Variants in OBI1 observed in about 807,000 individuals in gnomAD.
OBI1 encodes ring finger protein 219.
In OBI1, 59 loss-of-function variants were observed where a neutral mutation model predicts 62.4. The observed-to-expected ratio is 0.95, with a 90% CI of 0.77 to 1.17. The LOEUF is 1.17. Ranked by LOEUF, OBI1 falls within the 50% of genes most tolerant of loss-of-function variation. OBI1 has a pLI of 0.00. For synonymous variants in OBI1, 302 were observed against 292.8 expected (o/e 1.03, Z -0.32); for missense variants, 875 against 830.9 (o/e 1.05, Z -0.65).
At chr13:78,658,898 G>C in intron 1 of OBI1, 151 bp downstream of exon 1, 1 of 641,142 alleles carries the variant, frequency 1.6e-6, no homozygotes, top group African/African-American at 1.8e-5. Flanking sequence ...CCATCTCCCA[G>C]GACGCGGCCT....
chr13:78,641,637 G>C (rs1428436664), intron 3 of OBI1, among the ~76,000 whole-genome samples: 1 of 152,106 alleles, frequency 6.6e-6, no homozygotes, highest in Non-Finnish European at 1.5e-5. Flanking sequence ...AAATCTCTGT[G>C]CTGGCAGTTG....
chr13:78,657,538 T>C (rs537125011), intron 1 of OBI1, among the ~76,000 whole-genome samples: 12 of 152,258 alleles, frequency 7.9e-5, no homozygotes, highest in African/African-American at 2.6e-4. Flanking sequence ...CAAAATAATA[T>C]ATGCATACAA....
chr13:78,619,313 C>T (rs1875430566), intron 5 of OBI1, among the ~76,000 whole-genome samples: 1 of 122,682 alleles, frequency 8.2e-6, no homozygotes, highest in Non-Finnish European at 1.6e-5. Flanking sequence ...CTGTATTTGC[C>T]TCTCTCTCTC....
intron 5 of OBI1, among the ~76,000 whole-genome samples, chr13:78,622,972 ATCATT>A (rs922859705): frequency 4.6e-5 from 7 of 152,046 alleles, no homozygotes; most frequent in African/African-American, 1.7e-4. Flanking sequence ...CTTCCTATGG[ATCATT>A]TGTGCATTAC....
intron 1 of OBI1, among the ~76,000 whole-genome samples, chr13:78,657,862 A>T (rs541071664): frequency 3.9e-5 from 6 of 152,308 alleles, no homozygotes; most frequent in Admixed American, 2.0e-4. Flanking sequence ...TGCAGGCAGT[A>T]AGTAATAGCT....
chr13:78,637,695 G>A (rs1394958283), intron 4 of OBI1, among the ~76,000 whole-genome samples: 1 of 152,084 alleles, frequency 6.6e-6, no homozygotes. Context: ...ACTAACACTG[G>A]TCATCAATAC....
intron 5 of OBI1, among the ~76,000 whole-genome samples, chr13:78,632,806 A>C (rs1287286079): frequency 6.6e-6 from 1 of 152,194 alleles, no homozygotes; most frequent in African/African-American, 2.4e-5. Flanking sequence ...ACCTCAATGC[A>C]TTGCAAATTG....
intron 2 of OBI1, among the ~76,000 whole-genome samples, 157 bp downstream of exon 2, chr13:78,644,705 T>G (rs542508446): frequency 2.6e-4 from 40 of 152,264 alleles, no homozygotes; most frequent in Non-Finnish European, 5.6e-4. Flanking sequence ...GTGCCCCAGT[T>G]GCTCCACATA....
intron 1 of OBI1, among the ~76,000 whole-genome samples, chr13:78,648,774 T>G (rs4326933): frequency 0.99 from 150,827 of 152,190 alleles, 74,748 homozygotes; most frequent in East Asian, 1. Flanking sequence ...TTAGCAGGTC[T>G]TAGTGGCGTG....
At chr13:78,635,221 A>G in intron 4 of OBI1, 23 bp from the exon 5 acceptor site, 1 of 1,374,500 alleles carries the variant, frequency 7.3e-7, no homozygotes, top group Non-Finnish European at 1.0e-6. Context: ...ATTGAAAATA[A>G]GTAAGCAAAA....
intron 5 of OBI1, among the ~76,000 whole-genome samples, chr13:78,631,179 C>CT (rs1351791875): frequency 6.6e-6 from 1 of 152,044 alleles, no homozygotes; most frequent in East Asian, 1.9e-4. Flanking sequence ...TTCATTTACT[C>CT]AATAGATACG....
At chr13:78,653,204 G>C (rs1176063051) in intron 1 of OBI1, among the ~76,000 whole-genome samples, 1 of 152,142 alleles carries the variant, frequency 6.6e-6, no homozygotes, top group Admixed American at 6.5e-5. Flanking sequence ...TAACATTTTG[G>C]ACTGAAGAAA....
Position 78,642,326 on chromosome 13 carries a change from C to G in OBI1, c.209-113G>C. ...TCCCAGCTTCACATCTACCCTTCCCCTTACATACACACTTGGGGCTTACAT... is the reference window on the plus strand; with the variant it reads ...TCCCAGCTTCACATCTACCCTTCCCGTTACATACACACTTGGGGCTTACAT... On this transcript the variant is annotated intron_variant, in intron 2 of 5. Transcript: ENST00000282003. 2 of 653,202 alleles carry G rather than the reference C, an allele frequency of 3.1e-6. 1 individual carries two copies. Among genetic ancestry groups the G allele is most frequent in the South Asian group, 3.8e-5 (2 of 52,462 alleles). 40.5% of individuals were successfully genotyped at this position (653,202 alleles called of 1,614,324 possible).
chr13:78,650,104 T>C (rs542134976), intron 1 of OBI1, among the ~76,000 whole-genome samples: 1 of 152,272 alleles, frequency 6.6e-6, no homozygotes, highest in Admixed American at 6.5e-5. Flanking sequence ...TTAACGTAGG[T>C]GTGTATTTTT....
chr13:78,623,934 AC>A (rs1433632324), intron 5 of OBI1, among the ~76,000 whole-genome samples: 4 of 152,204 alleles, frequency 2.6e-5, no homozygotes, highest in Non-Finnish European at 4.4e-5. Context: ...TTGACAGACC[AC>A]CCTGGTAAAT....
At chr13:78,636,231 T>C (rs1009843942) in intron 4 of OBI1, among the ~76,000 whole-genome samples, 1 of 152,198 alleles carries the variant, frequency 6.6e-6, no homozygotes, top group African/African-American at 2.4e-5. Context: ...CACTGAAAAC[T>C]AGTGTGCTTA....
intron 1 of OBI1, among the ~76,000 whole-genome samples, chr13:78,650,178 G>A (rs1473926641): frequency 6.6e-6 from 1 of 152,174 alleles, no homozygotes; most frequent in Non-Finnish European, 1.5e-5. Flanking sequence ...TTTACCCAGA[G>A]TTGGGGTTTT....
intron 5 of OBI1, among the ~76,000 whole-genome samples, chr13:78,629,181 G>C (rs906226819): frequency 6.6e-6 from 1 of 152,040 alleles, no homozygotes; most frequent in Non-Finnish European, 1.5e-5. Flanking sequence ...CATTGCTGAA[G>C]ACTTGTCCAT....
rs74097361 is a variant in OBI1, at chr13:78,632,684, C to T, written c.638+2426G>A. ...TTTCCATACAAATAGGAGCTCTCCT[C>T]AGGTGAACCAGATCTGGGTATTTTC... On this transcript the variant is annotated intron_variant, in intron 5 of 5. Coordinates refer to ENST00000282003, the MANE Select transcript of OBI1 (RefSeq NM_024546.4). Among the ~76,000 whole-genome samples the T allele has an allele frequency of 7.3e-3, 1,118 of 152,298 alleles. 9 individuals are homozygous for T. The highest frequency in any genetic ancestry group is 0.026 in the African/African-American group (1,086 of 41,570).
Sources: allele counts gnomAD v4.1 joint callset (sites outside exome capture counted in the v4.1 genomes callset), GRCh38; gene constraint gnomAD v4.1.1; transcripts MANE v1.5; gene names NCBI Gene and HGNC (gene_info 2026-07-23, HGNC 2026-07-21).